The following RPA3 variants were observed in gnomAD, a reference collection of about 807,000 sequenced individuals.
The protein encoded by RPA3 is replication protein A 14 kDa subunit.
A neutral mutation model predicts 13.7 loss-of-function variants in RPA3; 24 were observed. That is an observed-to-expected ratio of 1.75 (90% CI 1.27 to 2.46). RPA3 has a LOEUF of 2.46. RPA3 is among the 30% of genes most tolerant of loss of function. The probability of loss-of-function intolerance (pLI) is 0.00; values close to 1 mark genes in which losing one functional copy is unlikely to be tolerated. For missense variants in RPA3, 183 were observed against 151.0 expected (o/e 1.21, Z -1.11); for synonymous variants, 59 against 51.2 (o/e 1.15, Z -0.65).
Position 7,636,840 on chromosome 7 carries a change from C to A in RPA3, c.*160G>T. ...CTTTATAAAAGGACTTCGGTGAGAA[C>A]TGTCAATATATCAGTTCCATCAAAA... On this transcript the variant is annotated 3_prime_UTR_variant, in exon 8 of 8. Coordinates refer to ENST00000223129, the MANE Select transcript of RPA3 (RefSeq NM_002947.5). 1.7e-6 allele frequency: 1 copy of A among 605,872 alleles called. No individual in the cohort carries two copies. The highest frequency in any genetic ancestry group is 2.9e-6 in the Non-Finnish European group (1 of 342,248). The allele number at this position is 605,872 out of a possible 1,614,324, so 37.5% of individuals were successfully genotyped here. A position where few individuals can be genotyped will look rare whatever the true frequency, so the allele number is the denominator to read the frequency against.
At chr7:7,703,126 G>A (rs1780505128) in intron 2 of RPA3, among the ~76,000 whole-genome samples, 1 of 152,106 alleles carries the variant, frequency 6.6e-6, no homozygotes, top group South Asian at 2.1e-4. Flanking sequence ...TCATATAATT[G>A]AATACAGCTG....
At chr7:7,666,965 A>G (rs1392591668) in intron 4 of RPA3, among the ~76,000 whole-genome samples, 1 of 152,098 alleles carries the variant, frequency 6.6e-6, no homozygotes, top group Non-Finnish European at 1.5e-5. Flanking sequence ...GCGCCACCAC[A>G]TCCAGCTAAT....
chr7:7,681,587 G>A (rs1297371456), intron 4 of RPA3, among the ~76,000 whole-genome samples: 3 of 152,092 alleles, frequency 2.0e-5, no homozygotes, highest in African/African-American at 7.2e-5. Context: ...GAAGGTAATA[G>A]CTATTCCTTC....
At chr7:7,697,834 C>T (rs999329859) in intron 2 of RPA3, among the ~76,000 whole-genome samples, 7 of 152,150 alleles carry the variant, frequency 4.6e-5, no homozygotes, top group East Asian at 1.9e-4. Context: ...CAATTTGAGA[C>T]GTATAAATCA....
chr7:7,701,873 A>G (rs1178248996), intron 2 of RPA3, among the ~76,000 whole-genome samples: 4 of 152,068 alleles, frequency 2.6e-5, no homozygotes, highest in Non-Finnish European at 5.9e-5. Context: ...GTCTCCATTT[A>G]TCTTTCCTAA....
At chr7:7,701,926 A>G (rs1306113816) in intron 2 of RPA3, among the ~76,000 whole-genome samples, 2 of 152,172 alleles carry the variant, frequency 1.3e-5, no homozygotes, top group Admixed American at 6.5e-5. Context: ...GCCATCAGCT[A>G]TACCTCCCTT....
intron 4 of RPA3, among the ~76,000 whole-genome samples, chr7:7,670,329 G>A (rs1779574711): frequency 6.6e-6 from 1 of 152,158 alleles, no homozygotes; most frequent in Non-Finnish European, 1.5e-5. Context: ...TGTTAGAAGA[G>A]GAGCCACTTC....
At chr7:7,659,772 A>G (rs566593735) in intron 4 of RPA3, among the ~76,000 whole-genome samples, 13 of 152,278 alleles carry the variant, frequency 8.5e-5, no homozygotes, top group Non-Finnish European at 1.5e-4. Flanking sequence ...AAGAATGCAT[A>G]TTCTGTTAAT....
intron 2 of RPA3, among the ~76,000 whole-genome samples, chr7:7,714,238 C>T (rs1376784167): frequency 6.6e-6 from 1 of 152,208 alleles, no homozygotes; most frequent in Non-Finnish European, 1.5e-5. Context: ...TATGACTTTG[C>T]ATATTGACCA....
At chr7:7,648,547 T>G (rs1346976236) in intron 4 of RPA3, among the ~76,000 whole-genome samples, 1 of 152,172 alleles carries the variant, frequency 6.6e-6, no homozygotes, top group Non-Finnish European at 1.5e-5. Context: ...ACAGACTGGG[T>G]AATTTATAAA....
chr7:7,657,530 T>C (rs1785371866), intron 4 of RPA3, among the ~76,000 whole-genome samples: 1 of 152,224 alleles, frequency 6.6e-6, no homozygotes. Flanking sequence ...TTTCTGTATA[T>C]GGCTAGTCAG....
At chr7:7,661,009 GTTTTTT>G (rs140344078) in intron 4 of RPA3, among the ~76,000 whole-genome samples, 1 of 150,564 alleles carries the variant, frequency 6.6e-6, no homozygotes, top group African/African-American at 2.4e-5. Flanking sequence ...CCTTTTGATT[GTTTTTT>G]TTTTGTTTTG....
intron 2 of RPA3, among the ~76,000 whole-genome samples, chr7:7,701,034 A>G (rs939513856): frequency 2.0e-5 from 3 of 152,196 alleles, no homozygotes; most frequent in African/African-American, 7.2e-5. Context: ...TGGGCAACAG[A>G]GGGAGACCTT....
intron 4 of RPA3, among the ~76,000 whole-genome samples, chr7:7,643,806 T>C: frequency 6.6e-6 from 1 of 151,712 alleles, no homozygotes; most frequent in African/African-American, 2.4e-5. Context: ...CCCGCTTGGG[T>C]CTCTAACAAG....
intron 2 of RPA3, among the ~76,000 whole-genome samples, chr7:7,710,472 CATT>C (rs1411687936): frequency 1.3e-5 from 2 of 152,152 alleles, no homozygotes; most frequent in Non-Finnish European, 2.9e-5. Context: ...GAATAAGTGT[CATT>C]AGCCATAATG....
At chr7:7,699,803 T>C (rs904042780) in intron 2 of RPA3, among the ~76,000 whole-genome samples, 1 of 152,182 alleles carries the variant, frequency 6.6e-6, no homozygotes, top group South Asian at 2.1e-4. Context: ...TAAATATTTG[T>C]TGGGGGAGAA....
chr7:7,694,802 G>C (rs993137034), intron 2 of RPA3, among the ~76,000 whole-genome samples: 12 of 152,090 alleles, frequency 7.9e-5, no homozygotes, highest in Non-Finnish European at 1.5e-4. Context: ...AGATACTTAG[G>C]TTGATTCCAA....
intron 2 of RPA3, among the ~76,000 whole-genome samples, chr7:7,699,858 G>T (rs1013543307): frequency 1.3e-5 from 2 of 152,120 alleles, no homozygotes; most frequent in Admixed American, 1.3e-4. Flanking sequence ...CTGAGCTCTG[G>T]GTTATAAGTA....
intron 4 of RPA3, among the ~76,000 whole-genome samples, chr7:7,663,433 A>G (rs1158052798): frequency 6.6e-6 from 1 of 152,186 alleles, no homozygotes; most frequent in African/African-American, 2.4e-5. Flanking sequence ...TCTCTTGCTT[A>G]TCCTCTCAGG....
Sources: allele counts gnomAD v4.1 joint callset (sites outside exome capture counted in the v4.1 genomes callset), GRCh38; gene constraint gnomAD v4.1.1; transcripts MANE v1.5; gene names NCBI Gene and HGNC (gene_info 2026-07-23, HGNC 2026-07-21).